CXADR: variants seen among roughly 807,000 people sequenced by gnomAD.
CXADR encodes the protein coxsackievirus and adenovirus receptor.
In CXADR, 20 loss-of-function variants were observed where a neutral mutation model predicts 40.3. That is an observed-to-expected ratio of 0.50 (90% CI 0.35 to 0.72). The LOEUF (loss-of-function observed/expected upper bound fraction) is 0.72, where lower values mean the gene tolerates loss of function less well. Among genes scored for constraint, CXADR ranks in the 30% least tolerant of loss-of-function variants. The pLI is 0.01. For synonymous variants in CXADR, 150 were observed against 161.3 expected (o/e 0.93, Z 0.53); for missense variants, 332 against 449.1 (o/e 0.74, Z 2.36).
chr21:17,595,199 CAA>C (rs1481983234), downstream of CXADR, among the ~76,000 whole-genome samples: 1 of 152,018 alleles, frequency 6.6e-6, no homozygotes, highest in Non-Finnish European at 1.5e-5. Flanking sequence ...TCACATTATT[CAA>C]AGTGTTCTTA....
intron 1 of CXADR, among the ~76,000 whole-genome samples, chr21:17,543,366 A>G (rs370309996): frequency 1.3e-5 from 2 of 152,222 alleles, no homozygotes; most frequent in African/African-American, 4.8e-5. Context: ...ATCACTTTGT[A>G]TAGTGTAAGT....
the CXADR span, chr21:17,614,142 T>G: frequency 6.6e-6 from 1 of 152,026 alleles, no homozygotes; most frequent in African/African-American, 2.4e-5. Context: ...TTAGTCTACT[T>G]ACTGGTACAT....
At chr21:17,604,096 T>C in the CXADR span, 2 of 1,258,932 alleles carry the variant, frequency 1.6e-6, no homozygotes, top group Non-Finnish European at 2.1e-6. Flanking sequence ...ATGTGAAAAA[T>C]AACTTCCATT....
rs919418765 is a variant in CXADR at position 17,537,765 on chromosome 21, T to TAA, written c.44-9254_44-9253dup. On this transcript the variant is annotated intron_variant, in intron 1 of 6. Transcript: ENST00000284878. The stretch of plus-strand genomic sequence containing the variant: ...CCAAGTGCCCAAAATTTTGCTCTGC[T>TAA]AAAAAAAAACCAGTGATGATCAAGA... Among the ~76,000 whole-genome samples the TAA allele has an allele frequency of 3.3e-5, 5 of 151,204 alleles. No homozygotes were observed. The South Asian group carries it at 1.1e-3, about 32-fold the overall frequency.
chr21:17,562,787 T>G (rs1169630458), intron 6 of CXADR, among the ~76,000 whole-genome samples: 1 of 152,242 alleles, frequency 6.6e-6, no homozygotes, highest in East Asian at 1.9e-4. Context: ...CTTTGTATTT[T>G]TATGTTATGG....
chr21:17,628,255 T>C, the CXADR span, among the ~76,000 whole-genome samples: 3 of 152,188 alleles, frequency 2.0e-5, no homozygotes, highest in African/African-American at 7.2e-5. Flanking sequence ...TATAAATATA[T>C]ATAAAGAGAT....
Position 17,513,190 on chromosome 21 carries a change from G to A in CXADR, c.43+18G>A. 1 of 1,361,184 alleles carries A rather than the reference G, an allele frequency of 7.3e-7. No homozygotes were observed. The highest frequency in any genetic ancestry group is 2.0e-5 in the South Asian group (1 of 50,336). The allele number at this position is 1,361,184 out of a possible 1,614,324, so 84.3% of individuals were successfully genotyped here. ...AGTAGTGGGTGAGTAGGGGCCATGG[G>A]GTCCTCAGCACCCGCCCAGCCCGGG... On this transcript the variant is annotated intron_variant, in intron 1 of 6. Transcript: ENST00000284878.
chr21:17,519,734 G>C (rs76917538), intron 1 of CXADR, among the ~76,000 whole-genome samples: 4,745 of 152,168 alleles, frequency 0.031, 267 homozygotes, highest in African/African-American at 0.11. Flanking sequence ...CCAAGTATTG[G>C]TAGTGAATTA....
At chr21:17,603,922 CT>C in the CXADR span, among the ~76,000 whole-genome samples, 1 of 152,140 alleles carries the variant, frequency 6.6e-6, no homozygotes, top group African/African-American at 2.4e-5. Context: ...GCTTACTTTT[CT>C]TCTCAATTTC....
downstream of CXADR, among the ~76,000 whole-genome samples, chr21:17,570,685 T>G (rs552588885): frequency 6.6e-6 from 1 of 152,130 alleles, no homozygotes; most frequent in Non-Finnish European, 1.5e-5. Context: ...AGCATAATGG[T>G]GAGATTTGGG....
At chr21:17,622,059 G>T in the CXADR span, among the ~76,000 whole-genome samples, 14 of 152,312 alleles carry the variant, frequency 9.2e-5, no homozygotes, top group African/African-American at 3.4e-4. Context: ...GGTAGAAAGG[G>T]AGAAGGCATA....
chr21:17,615,196 A>G, the CXADR span, among the ~76,000 whole-genome samples: 26 of 152,140 alleles, frequency 1.7e-4, no homozygotes, highest in Admixed American at 1.7e-3. Flanking sequence ...CTCTCTTGCC[A>G]AGTGAGGATA....
At chr21:17,635,040 T>C in the CXADR span, among the ~76,000 whole-genome samples, 1 of 152,206 alleles carries the variant, frequency 6.6e-6, no homozygotes, top group African/African-American at 2.4e-5. Flanking sequence ...GGAATTGGAT[T>C]CTATAGGGAA....
rs1414417804 is a variant in CXADR at position 17,559,073 on chromosome 21, A to G, written c.513A>G (p.Leu171=). 3 of 1,614,026 alleles carry G rather than the reference A, an allele frequency of 1.9e-6. No individual in the cohort carries two copies. The highest frequency in any genetic ancestry group is 2.5e-6 in the Non-Finnish European group (3 of 1,179,998). The change falls in exon 4 of 7, where the codon TTA becomes TTG. Residue 171 remains leucine, a synonymous_variant. Coordinates refer to ENST00000284878, the MANE Select transcript of CXADR (RefSeq NM_001338.5). ...AACCAAAAGAAGGTTCACTTCCATTACAGTATGAGTGGCAAAAATTGTCTG... is the reference window on the plus strand; with the variant it reads ...AACCAAAAGAAGGTTCACTTCCATTGCAGTATGAGTGGCAAAAATTGTCTG... ...KCEPKEGSLP[L]QYEWQKLSDS...
the CXADR span, among the ~76,000 whole-genome samples, chr21:17,630,647 C>CTTTT: frequency 3.3e-5 from 1 of 30,274 alleles, no homozygotes; most frequent in East Asian, 1.0e-3. Flanking sequence ...CTTCTTCCTT[C>CTTTT]TTCTTTTTTT....
the CXADR span, among the ~76,000 whole-genome samples, chr21:17,606,663 A>G: frequency 6.6e-6 from 1 of 152,040 alleles, no homozygotes; most frequent in Admixed American, 6.5e-5. Context: ...AAATCTGCAT[A>G]CCTTACATGT....
At chr21:17,536,653 T>G (rs2060762057) in intron 1 of CXADR, among the ~76,000 whole-genome samples, 1 of 152,208 alleles carries the variant, frequency 6.6e-6, no homozygotes, top group Admixed American at 6.5e-5. Flanking sequence ...AATAGGGACA[T>G]GTAAATACCT....
intron 1 of CXADR, among the ~76,000 whole-genome samples, chr21:17,530,754 C>T (rs980297196): frequency 6.6e-6 from 1 of 152,064 alleles, no homozygotes; most frequent in Non-Finnish European, 1.5e-5. Context: ...GCAGAGGTTG[C>T]GGTGAGCCGA....
chr21:17,565,457 C>T lies in CXADR; in HGVS notation c.863C>T (p.Thr288Met), dbSNP rs1328012855. The change falls in exon 7 of 7, where the codon ACG (threonine) becomes ATG (methionine). Residue 288 changes from threonine (T) to methionine (M), a missense_variant. Thr to Met is a moderately conservative substitution (Grantham distance 81). Around this residue, in one of 3 missense-constraint regions of CXADR, gnomAD observed 150 missense variants for 194.2 expected, o/e 0.77. Transcript: ENST00000284878. ...REDVPPPKSR[T>M]STARSYIGSN... ...GATGTGCCACCTCCAAAGAGCCGTA[C>T]GTCCACTGCCAGAAGCTACATCGGC... is the stretch of plus-strand genomic sequence containing the variant. The T allele has an allele frequency of 1.2e-6, 2 of 1,613,920 alleles. No homozygotes were observed. The highest frequency in any genetic ancestry group is 1.1e-5 in the South Asian group (1 of 91,074).
Sources: allele counts gnomAD v4.1 joint callset (sites outside exome capture counted in the v4.1 genomes callset), GRCh38; gene constraint gnomAD v4.1.1; regional missense constraint gnomAD v4.1.1; transcripts MANE v1.5; gene names NCBI Gene and HGNC (gene_info 2026-07-23, HGNC 2026-07-21).